The following GC variants were observed in gnomAD, a reference collection of about 807,000 sequenced individuals.
The protein encoded by GC is vitamin D-binding protein.
A neutral mutation model predicts 56.7 loss-of-function variants in GC; 43 were observed. The observed-to-expected ratio is 0.76, with a 90% confidence interval of 0.59 to 0.98. The LOEUF (loss-of-function observed/expected upper bound fraction) is 0.98. Ranked by LOEUF, GC falls within the 50% of genes least tolerant of loss-of-function variation. GC has a pLI of 0.00. For missense variants in GC, 529 were observed against 545.9 expected (o/e 0.97, Z 0.31); for synonymous variants, 216 against 202.7 (o/e 1.07, Z -0.56).
At chr4:71,765,983 G>T (rs1742142788) in intron 3 of GC, among the ~76,000 whole-genome samples, 1 of 152,128 alleles carries the variant, frequency 6.6e-6, no homozygotes, top group Non-Finnish European at 1.5e-5. Context: ...GGATGAGAGG[G>T]TCATTTGAAA....
At chr4:71,742,595 T>C (rs981180520) in intron 12 of GC, among the ~76,000 whole-genome samples, 2 of 152,222 alleles carry the variant, frequency 1.3e-5, no homozygotes, top group Non-Finnish European at 1.5e-5. Context: ...GTGAGCCAAT[T>C]CATTTATGTT....
intron 2 of GC, 52 bp downstream of exon 2, chr4:71,769,279 G>T: frequency 7.5e-7 from 1 of 1,337,210 alleles, no homozygotes; most frequent in Non-Finnish European, 1.1e-6. Context: ...CTCACACTCA[G>T]TTTTGTTCAA....
intron 1 of GC, among the ~76,000 whole-genome samples, chr4:71,782,619 C>G: frequency 6.6e-6 from 1 of 151,748 alleles, no homozygotes; most frequent in African/African-American, 2.4e-5. Context: ...CACTTTCATT[C>G]TTTGAGGTGA....
chr4:71,761,506 A>T (rs1365110234), intron 6 of GC, among the ~76,000 whole-genome samples: 3 of 152,242 alleles, frequency 2.0e-5, no homozygotes, highest in African/African-American at 7.2e-5. Context: ...CTGGCTATAG[A>T]AATTTGCATA....
At chr4:71,756,400 A>G (rs1560693695) in intron 8 of GC, among the ~76,000 whole-genome samples, 1 of 152,234 alleles carries the variant, frequency 6.6e-6, no homozygotes, top group Non-Finnish European at 1.5e-5. Context: ...TTAATTAACA[A>G]TAGGCTGAAG....
chr4:71,773,449 T>C (rs1417808775), intron 1 of GC, among the ~76,000 whole-genome samples: 1 of 152,084 alleles, frequency 6.6e-6, no homozygotes, highest in Non-Finnish European at 1.5e-5. Flanking sequence ...GTAACAGATA[T>C]TTTTTGAGGC....
chr4:71,804,125 A>C (rs1018723599), upstream of GC: 2 of 626,798 alleles, frequency 3.2e-6, no homozygotes, highest in African/African-American at 3.6e-5. Flanking sequence ...GGTCTGTCCC[A>C]CAGACCCTGG....
chr4:71,765,390 T>C (rs1560699410), intron 4 of GC, 42 bp downstream of exon 4: 1 of 1,445,394 alleles, frequency 6.9e-7, no homozygotes, highest in Non-Finnish European at 9.7e-7. Context: ...TCATTTCTGA[T>C]ACTTTAGGTC....
chr4:71,754,293 C>A (rs1308846576), intron 10 of GC, 118 bp downstream of exon 10: 11 of 608,686 alleles, frequency 1.8e-5, no homozygotes, highest in African/African-American at 7.5e-5. Flanking sequence ...CTAATTGAAC[C>A]TCCTTTTGTT....
chr4:71,783,174 T>C (rs1742738361), intron 1 of GC, among the ~76,000 whole-genome samples: 1 of 151,712 alleles, frequency 6.6e-6, no homozygotes, highest in African/African-American at 2.4e-5. Flanking sequence ...CAGCACTAAA[T>C]GAAAACCTTA....
At chr4:71,759,129 C>G (rs1176531015) in intron 6 of GC, among the ~76,000 whole-genome samples, 3 of 151,394 alleles carry the variant, frequency 2.0e-5, no homozygotes, top group Non-Finnish European at 4.4e-5. Context: ...CTTTTTTTTT[C>G]AGGCTACATA....
Position 71,756,881 on chromosome 4 carries a change from A to G in GC, c.865T>C (p.Leu289=). ...TCAAACTTAGAATTCTTTGTGGATA[A>G]ATTGTCACAGAGTTTTACTGTGTGT... The part of the protein sequence containing the change: ...PEHTVKLCDN[L]STKNSKFEDC... Residue 289 remains leucine, a synonymous_variant, in exon 8 of 13, where the codon TTA becomes CTA. Transcript: ENST00000273951. 1 of 1,613,586 alleles carries G rather than the reference A, an allele frequency of 6.2e-7. No individual in the cohort carries two copies. The highest frequency in any genetic ancestry group is 1.3e-5 in the African/African-American group (1 of 75,036).
intron 1 of GC, among the ~76,000 whole-genome samples, chr4:71,782,103 AC>A (rs1466158281): frequency 2.6e-5 from 4 of 151,916 alleles, no homozygotes. Context: ...ATATTTGGCC[AC>A]AGAAACTTCT....
intron 1 of GC, among the ~76,000 whole-genome samples, chr4:71,799,518 T>C (rs1184737242): frequency 1.3e-5 from 2 of 152,158 alleles, no homozygotes; most frequent in African/African-American, 4.8e-5. Context: ...TAAATCCTGA[T>C]TGCTCTTGCT....
intron 1 of GC, among the ~76,000 whole-genome samples, chr4:71,803,687 C>T (rs1743300719): frequency 6.6e-6 from 1 of 152,170 alleles, no homozygotes; most frequent in Non-Finnish European, 1.5e-5. Context: ...TCTCAACATA[C>T]TCTGTCTTTT....
At chr4:71,783,701 G>T (rs957416928) in intron 1 of GC, among the ~76,000 whole-genome samples, 3 of 151,622 alleles carry the variant, frequency 2.0e-5, no homozygotes, top group African/African-American at 7.3e-5. Flanking sequence ...TATCAACAAA[G>T]GAGGAAGAGA....
chr4:71,745,843 A>G (rs551043420), intron 12 of GC, among the ~76,000 whole-genome samples: 1 of 152,222 alleles, frequency 6.6e-6, no homozygotes, highest in South Asian at 2.1e-4. Flanking sequence ...AGTTCTTCCT[A>G]TTGAAGTGCA....
At chr4:71,774,669 T>C (rs1417300983) in intron 1 of GC, among the ~76,000 whole-genome samples, 1 of 152,018 alleles carries the variant, frequency 6.6e-6, no homozygotes, top group East Asian at 1.9e-4. Context: ...GCCAACAATT[T>C]GGTGGTACTG....
intron 11 of GC, among the ~76,000 whole-genome samples, chr4:71,751,876 A>G (rs969215269): frequency 6.6e-6 from 1 of 152,172 alleles, no homozygotes. Context: ...CTTTAAAATC[A>G]TTTTTTAGTT....
Sources: gnomAD v4.1 joint callset for allele counts (sites outside exome capture counted in the v4.1 genomes callset) on GRCh38, gnomAD v4.1.1 for gene constraint, MANE v1.5 for transcripts, NCBI Gene and HGNC (gene_info 2026-07-23, HGNC 2026-07-21) for gene names.